Variants in PRELID2 observed in about 807,000 individuals in gnomAD.
The protein encoded by PRELID2 is PRELI domain containing 2, also known as PRELI domain-containing protein 2.
Under a neutral mutation model 28.4 loss-of-function variants are expected in PRELID2, and 25 were observed. The observed-to-expected ratio is 0.88, with a 90% CI of 0.64 to 1.23. The LOEUF (loss-of-function observed/expected upper bound fraction) is 1.23, where lower values mean the gene tolerates loss of function less well. PRELID2 is among the 50% of genes most tolerant of loss of function. The pLI is 0.00. For synonymous variants in PRELID2, 76 were observed against 71.6 expected (o/e 1.06, Z -0.31); for missense variants, 201 against 214.4 (o/e 0.94, Z 0.39).
At chr5:145,508,253 T>C (rs1752428484) in intron 1 of PRELID2, among the ~76,000 whole-genome samples, 1 of 123,396 alleles carries the variant, frequency 8.1e-6, no homozygotes, top group African/African-American at 3.1e-5. Flanking sequence ...TACTTTTGCA[T>C]AGACAGATAG....
chr5:145,668,075 T>C lies in PRELID2; in HGVS notation n.70+96856A>G, dbSNP rs1737281466. ...GTTGTCAGTGGTCCAAAAGTCACAT[T>C]AGAATTTCAGGAAAGAAGAACTAGG... On this transcript the variant is annotated intron_variant and non_coding_transcript_variant, in intron 1 of 2. Transcript: ENST00000510259. Among the ~76,000 whole-genome samples the C allele has an allele frequency of 2.6e-5, 4 of 152,202 alleles. No homozygotes were observed. In the South Asian group the frequency reaches 8.3e-4, roughly 32 times the overall value.
At chr5:145,368,212 G>A in the PRELID2 span, among the ~76,000 whole-genome samples, 2 of 151,910 alleles carry the variant, frequency 1.3e-5, no homozygotes, top group Non-Finnish European at 2.9e-5. Context: ...TGCCTAGAAT[G>A]TACATGGCAC....
the PRELID2 span, among the ~76,000 whole-genome samples, chr5:145,402,136 T>C: frequency 6.6e-6 from 1 of 152,174 alleles, no homozygotes; most frequent in East Asian, 1.9e-4. Context: ...TTTTAACACA[T>C]GGATGGGACA....
At chr5:145,517,563 C>T (rs537134593) in intron 1 of PRELID2, among the ~76,000 whole-genome samples, 1 of 152,264 alleles carries the variant, frequency 6.6e-6, no homozygotes, top group East Asian at 1.9e-4. Context: ...TTAATTCAAT[C>T]ACTGTGGAAG....
chr5:145,313,551 AT>A, the PRELID2 span, among the ~76,000 whole-genome samples: 1 of 55,804 alleles, frequency 1.8e-5, no homozygotes. Flanking sequence ...TATGCTGTTT[AT>A]AGCCCAATGA....
At chr5:145,357,679 G>T in the PRELID2 span, among the ~76,000 whole-genome samples, 3 of 152,136 alleles carry the variant, frequency 2.0e-5, no homozygotes, top group Admixed American at 6.5e-5. Flanking sequence ...CTTGGATGGG[G>T]TTTTGACTTT....
the PRELID2 span, among the ~76,000 whole-genome samples, chr5:145,421,865 C>G: frequency 6.7e-6 from 1 of 148,508 alleles, no homozygotes; most frequent in Non-Finnish European, 1.5e-5. Flanking sequence ...CTCTTGTGGG[C>G]ATTTAGTGCT....
At chr5:145,643,853 G>A (rs373014289) in intron 1 of PRELID2, among the ~76,000 whole-genome samples, 2 of 152,158 alleles carry the variant, frequency 1.3e-5, no homozygotes, top group East Asian at 1.9e-4. Flanking sequence ...TTGCATCTCA[G>A]GGATGAAGCC....
At chr5:145,678,038 A>T (rs1371243023) in intron 1 of PRELID2, among the ~76,000 whole-genome samples, 2 of 152,214 alleles carry the variant, frequency 1.3e-5, no homozygotes, top group Non-Finnish European at 2.9e-5. Context: ...ATGTCTGTAG[A>T]AGTTCATTCT....
At chr5:145,633,845 G>A (rs1753965438) in intron 1 of PRELID2, among the ~76,000 whole-genome samples, 1 of 152,166 alleles carries the variant, frequency 6.6e-6, no homozygotes, top group Admixed American at 6.6e-5. Context: ...ACCATTTCCA[G>A]GTAATTTTGC....
At chr5:145,328,487 T>C in the PRELID2 span, among the ~76,000 whole-genome samples, 1 of 152,244 alleles carries the variant, frequency 6.6e-6, no homozygotes, top group African/African-American at 2.4e-5. Context: ...CTGACTGGCA[T>C]GAGATGGTAT....
the PRELID2 span, among the ~76,000 whole-genome samples, chr5:145,330,416 G>A: frequency 1.3e-5 from 2 of 152,116 alleles, no homozygotes; most frequent in African/African-American, 2.4e-5. Flanking sequence ...GCTATATTTG[G>A]TTGGTAGACT....
intron 1 of PRELID2, among the ~76,000 whole-genome samples, chr5:145,676,261 G>A (rs1030310998): frequency 1.1e-4 from 16 of 146,952 alleles, no homozygotes; most frequent in Non-Finnish European, 1.8e-4. Flanking sequence ...CTCATTGTTT[G>A]TGTGGCAGTG....
the PRELID2 span, among the ~76,000 whole-genome samples, chr5:145,247,576 T>C: frequency 6.6e-6 from 1 of 152,168 alleles, no homozygotes; most frequent in African/African-American, 2.4e-5. Context: ...CTGTATATGC[T>C]AACTTCCCCA....
chr5:145,516,156 G>T (rs1200122539), intron 1 of PRELID2, among the ~76,000 whole-genome samples: 1 of 152,172 alleles, frequency 6.6e-6, no homozygotes, highest in Non-Finnish European at 1.5e-5. Context: ...TCAGGCAAGA[G>T]AAAGAAATAA....
At chr5:145,281,355 TAG>T in the PRELID2 span, among the ~76,000 whole-genome samples, 2 of 152,082 alleles carry the variant, frequency 1.3e-5, no homozygotes, top group Admixed American at 6.6e-5. Flanking sequence ...GTATGTCTCT[TAG>T]AGAGAGAGGT....
intron 1 of PRELID2, among the ~76,000 whole-genome samples, chr5:145,679,228 G>A (rs563267034): frequency 6.6e-6 from 1 of 152,242 alleles, no homozygotes; most frequent in African/African-American, 2.4e-5. Flanking sequence ...CTTGGGCTGA[G>A]GAATCTTCCA....
the PRELID2 span, among the ~76,000 whole-genome samples, chr5:145,299,616 C>T: frequency 6.7e-6 from 1 of 149,078 alleles, no homozygotes; most frequent in African/African-American, 2.5e-5. Context: ...TTTTTCCCTG[C>T]TGAGACCACT....
chr5:145,547,288 G>T (rs892067806), intron 1 of PRELID2, among the ~76,000 whole-genome samples: 1 of 152,076 alleles, frequency 6.6e-6, no homozygotes. Flanking sequence ...TGTTATTATA[G>T]ATCACAAAAT....
Sources: gnomAD v4.1 joint callset for allele counts (sites outside exome capture counted in the v4.1 genomes callset) on GRCh38, gnomAD v4.1.1 for gene constraint, MANE v1.5 for transcripts, NCBI Gene and HGNC (gene_info 2026-07-23, HGNC 2026-07-21) for gene names.